The following ST8SIA2 variants were observed in gnomAD, a reference collection of about 807,000 sequenced individuals.
The protein encoded by ST8SIA2 is alpha-2,8-sialyltransferase 8B.
A neutral mutation model predicts 37.6 loss-of-function variants in ST8SIA2; 22 were observed. The ratio of observed to expected loss-of-function variants is 0.58; its 90% CI spans 0.42 to 0.83. The LOEUF is 0.83. ST8SIA2 is among the 40% of genes least tolerant of loss of function. ST8SIA2 has a pLI of 0.00. For missense variants in ST8SIA2, 382 were observed against 484.7 expected (o/e 0.79, Z 1.99); for synonymous variants, 205 against 201.2 (o/e 1.02, Z -0.16).
At chr15:92,402,295 G>GCTGTGT (rs2049477595) in intron 1 of ST8SIA2, among the ~76,000 whole-genome samples, 1 of 152,204 alleles carries the variant, frequency 6.6e-6, no homozygotes, top group Non-Finnish European at 1.5e-5. Flanking sequence ...GTCTGTGTCT[G>GCTGTGT]CTGGGGTCCA....
intron 1 of ST8SIA2, among the ~76,000 whole-genome samples, chr15:92,407,710 A>G (rs2049518899): frequency 6.6e-6 from 1 of 152,184 alleles, no homozygotes; most frequent in Non-Finnish European, 1.5e-5. Context: ...GGAGCCTTTT[A>G]AAACCAATCT....
At chr15:92,450,466 C>T (rs1164898144) in intron 5 of ST8SIA2, among the ~76,000 whole-genome samples, 1 of 152,188 alleles carries the variant, frequency 6.6e-6, no homozygotes, top group Admixed American at 6.5e-5. Context: ...GTTTAATTGG[C>T]TGACAGTTCT....
intron 5 of ST8SIA2, among the ~76,000 whole-genome samples, chr15:92,451,969 T>G (rs114959451): frequency 6.6e-6 from 1 of 152,080 alleles, no homozygotes; most frequent in Non-Finnish European, 1.5e-5. Flanking sequence ...TTTATGAAAA[T>G]ATTAAGAAAA....
In ST8SIA2 at chr15:92,450,785, A is replaced by G. The variant is rs75579702; in HGVS notation, c.842+5856A>G. ...AACATGAGATTTGGTGGGGACACAG[A>G]TCCAAACCATATCAATGAGATATCA... is the stretch of plus-strand genomic sequence containing the variant. On this transcript the variant is annotated intron_variant, in intron 5 of 5. Coordinates refer to ENST00000268164, the MANE Select transcript of ST8SIA2 (RefSeq NM_006011.4). Among the ~76,000 whole-genome samples, 1,312 of 152,348 alleles carry G rather than the reference A, an allele frequency of 8.6e-3. 15 individuals are homozygous for G. The highest frequency in any genetic ancestry group is 0.03 in the African/African-American group (1,239 of 41,574).
chr15:92,438,316 C>G, intron 3 of ST8SIA2, 37 bp from the exon 4 acceptor site: 1 of 1,614,110 alleles, frequency 6.2e-7, no homozygotes, highest in African/African-American at 1.3e-5. Flanking sequence ...CAGCTGGCAC[C>G]CTGGAGAATT....
At chr15:92,419,109 A>C (rs536126968) in intron 1 of ST8SIA2, among the ~76,000 whole-genome samples, 46 of 152,256 alleles carry the variant, frequency 3.0e-4, no homozygotes, top group African/African-American at 1.1e-3. Context: ...AGGGAGCCCC[A>C]GTTCACCTCT....
intron 3 of ST8SIA2, among the ~76,000 whole-genome samples, chr15:92,434,855 C>G (rs764233497): frequency 4.8e-4 from 73 of 152,190 alleles, no homozygotes; most frequent in Non-Finnish European, 9.4e-4. Flanking sequence ...AAACCTAGAG[C>G]CATAGGGGCA....
At chr15:92,422,485 C>G (rs1466913100) in intron 1 of ST8SIA2, 4 of 152,286 alleles carry the variant, frequency 2.6e-5, no homozygotes, top group Non-Finnish European at 1.5e-5. Flanking sequence ...AGACTACAGA[C>G]AAGGACTCGG....
In ST8SIA2 at chr15:92,434,260, A is replaced by G. The variant is rs1404539282; in HGVS notation, c.175A>G (p.Ile59Val). The G allele has an allele frequency of 1.9e-6, 3 of 1,614,020 alleles. No homozygotes were observed. The highest frequency in any genetic ancestry group is 1.3e-5 in the African/African-American group (1 of 74,894). Residue 59 changes from isoleucine to valine, a missense_variant, in exon 3 of 6, where the codon ATA becomes GTA. Transcript: ENST00000268164. Reference sequence around the variant, plus strand: ...TTTCCCTTCCAGAGCTGAAGTTGTAATAAACGGCTCCTCATCACCAGCTGT... The same window carrying G: ...TTTCCCTTCCAGAGCTGAAGTTGTAGTAAACGGCTCCTCATCACCAGCTGT... Reference protein sequence around the residue: ...HSKSNRAEVVINGSSSPAVVD... With the variant: ...HSKSNRAEVVVNGSSSPAVVD...
chr15:92,462,729 G>T (rs2049966174), intron 5 of ST8SIA2, among the ~76,000 whole-genome samples: 1 of 152,196 alleles, frequency 6.6e-6, no homozygotes, highest in Non-Finnish European at 1.5e-5. Context: ...TGTGAATTGT[G>T]TCTGGTCTAG....
intron 1 of ST8SIA2, among the ~76,000 whole-genome samples, chr15:92,425,328 A>G (rs1215806288): frequency 6.6e-6 from 1 of 152,252 alleles, no homozygotes; most frequent in Non-Finnish European, 1.5e-5. Flanking sequence ...GAGGTGAAGC[A>G]GTGTCTTGTA....
intron 5 of ST8SIA2, among the ~76,000 whole-genome samples, chr15:92,462,300 A>C (rs1179662406): frequency 1.3e-5 from 2 of 152,232 alleles, no homozygotes; most frequent in Non-Finnish European, 2.9e-5. Flanking sequence ...TAGGTGACTC[A>C]CTGAACTTAC....
chr15:92,456,664 C>T (rs992567554), intron 5 of ST8SIA2, among the ~76,000 whole-genome samples: 2 of 152,130 alleles, frequency 1.3e-5, no homozygotes, highest in South Asian at 2.1e-4. Flanking sequence ...CCACATAGGA[C>T]GTGTCATGGA....
At chr15:92,449,336 A>G (rs1206342993) in intron 5 of ST8SIA2, among the ~76,000 whole-genome samples, 1 of 152,184 alleles carries the variant, frequency 6.6e-6, no homozygotes, top group South Asian at 2.1e-4. Flanking sequence ...GTGAATGGGT[A>G]TTGTTTATAC....
chr15:92,397,318 C>T (rs2049439070), intron 1 of ST8SIA2, among the ~76,000 whole-genome samples: 1 of 152,060 alleles, frequency 6.6e-6, no homozygotes, highest in South Asian at 2.1e-4. Context: ...CTCAGAGGTC[C>T]TGTCCTGCCT....
intron 4 of ST8SIA2, 26 bp downstream of exon 4, chr15:92,438,636 G>T (rs1240497721): frequency 6.3e-7 from 1 of 1,579,162 alleles, no homozygotes; most frequent in South Asian, 1.2e-5. Flanking sequence ...AGGCACTCTG[G>T]GGCCAGAGCG....
chr15:92,442,417 C>A (rs1217965989), intron 4 of ST8SIA2, among the ~76,000 whole-genome samples: 1 of 152,136 alleles, frequency 6.6e-6, no homozygotes, highest in African/African-American at 2.4e-5. Flanking sequence ...AGTATATTTC[C>A]TGCTTCACCC....
At chr15:92,427,043 G>A (rs1448811050) in intron 1 of ST8SIA2, among the ~76,000 whole-genome samples, 1 of 152,184 alleles carries the variant, frequency 6.6e-6, no homozygotes, top group Admixed American at 6.5e-5. Context: ...GTAGTGAGCC[G>A]AGATCAGGCC....
intron 1 of ST8SIA2, among the ~76,000 whole-genome samples, chr15:92,416,963 C>A (rs2049591607): frequency 6.6e-6 from 1 of 152,236 alleles, no homozygotes; most frequent in African/African-American, 2.4e-5. Flanking sequence ...CTGCACTCTT[C>A]AAAACCAACT....
Sources: gnomAD v4.1 joint callset for allele counts (sites outside exome capture counted in the v4.1 genomes callset) on GRCh38, gnomAD v4.1.1 for gene constraint, MANE v1.5 for transcripts, NCBI Gene and HGNC (gene_info 2026-07-23, HGNC 2026-07-21) for gene names.